SLC24A2: variants seen among roughly 807,000 people sequenced by gnomAD.
The protein encoded by SLC24A2 is sodium/potassium/calcium exchanger 2.
In SLC24A2, 36 loss-of-function variants were observed where a neutral mutation model predicts 62.0. The ratio of observed to expected loss-of-function variants is 0.58; its 90% CI spans 0.44 to 0.77. The LOEUF (loss-of-function observed/expected upper bound fraction) is 0.77. Ranked by LOEUF, SLC24A2 falls within the 30% of genes least tolerant of loss-of-function variation. The pLI is 0.00. For missense variants in SLC24A2, 846 were observed against 817.9 expected (o/e 1.03, Z -0.42); for synonymous variants, 358 against 294.0 (o/e 1.22, Z -2.23).
the SLC24A2 span, among the ~76,000 whole-genome samples, chr9:20,277,617 G>A: frequency 6.6e-6 from 1 of 152,130 alleles, no homozygotes; most frequent in Non-Finnish European, 1.5e-5. Flanking sequence ...GGAGAAATAG[G>A]AACACTTTTA....
At chr9:20,112,967 A>T in the SLC24A2 span, among the ~76,000 whole-genome samples, 1 of 152,090 alleles carries the variant, frequency 6.6e-6, no homozygotes, top group Non-Finnish European at 1.5e-5. Context: ...GAAAAAACAA[A>T]GACACAAGTG....
At chr9:19,859,196 G>A in the SLC24A2 span, among the ~76,000 whole-genome samples, 3 of 152,126 alleles carry the variant, frequency 2.0e-5, no homozygotes, top group African/African-American at 2.4e-5. Flanking sequence ...ATTCTTTGCA[G>A]AAACATGGAT....
the SLC24A2 span, among the ~76,000 whole-genome samples, chr9:20,141,340 G>C: frequency 6.6e-6 from 1 of 152,018 alleles, no homozygotes; most frequent in African/African-American, 2.4e-5. Flanking sequence ...ACTTGATCCT[G>C]CAGTTAGCCC....
the SLC24A2 span, among the ~76,000 whole-genome samples, chr9:20,010,071 G>C: frequency 2.6e-5 from 4 of 152,180 alleles, no homozygotes; most frequent in African/African-American, 9.6e-5. Flanking sequence ...CGCTCCACCT[G>C]ATTTCAGAGT....
At chr9:19,984,535 A>G in the SLC24A2 span, among the ~76,000 whole-genome samples, 2 of 152,098 alleles carry the variant, frequency 1.3e-5, no homozygotes, top group Non-Finnish European at 2.9e-5. Flanking sequence ...GTGAAACCCC[A>G]GCTCTACTAA....
At chr9:20,032,545 GT>G in the SLC24A2 span, among the ~76,000 whole-genome samples, 2 of 152,150 alleles carry the variant, frequency 1.3e-5, no homozygotes, top group African/African-American at 4.8e-5. Context: ...GGTTACCATT[GT>G]TTTTTGTTCT....
At chr9:20,201,035 T>C in the SLC24A2 span, among the ~76,000 whole-genome samples, 6 of 152,208 alleles carry the variant, frequency 3.9e-5, no homozygotes, top group Non-Finnish European at 7.3e-5. Flanking sequence ...AGAGTCCAGT[T>C]TGCATCTCCC....
rs766452988 is a variant in SLC24A2 at position 19,786,164 on chromosome 9, A to G, written c.703T>C (p.Trp235Arg). ...LFSREILNLT[W>R]WPLFRDVSFY... is the part of the protein sequence containing the mutation. ...GACACATCTCGAAAGAGCGGCCACC[A>G]TGTCAGGTTTAAGATTTCTCTAGAA... The change falls in exon 2 of 11, where the codon TGG becomes CGG. Residue 235 changes from tryptophan to arginine, a missense_variant. By Grantham distance (101) the Trp-to-Arg change is moderately radical (BLOSUM62 -3). Transcript: ENST00000341998. The surrounding 1 kb of genome is among the most constrained non-coding windows in gnomAD (Gnocchi z 5.0). 6.2e-7 allele frequency: 1 copy of G among 1,614,212 alleles called. No homozygotes were observed. Among genetic ancestry groups the G allele is most frequent in the Non-Finnish European group, 8.5e-7 (1 of 1,180,046 alleles).
the SLC24A2 span, among the ~76,000 whole-genome samples, chr9:19,888,651 G>T: frequency 1.3e-5 from 2 of 152,116 alleles, no homozygotes; most frequent in Non-Finnish European, 2.9e-5. Context: ...TTTTGGTACT[G>T]ATCTTGGTTT....
the SLC24A2 span, among the ~76,000 whole-genome samples, chr9:19,867,822 C>T: frequency 7.9e-5 from 12 of 152,096 alleles, 1 homozygote; most frequent in East Asian, 1.9e-4. Context: ...GCAGGTGAAT[C>T]GGTCGAACCC....
At chr9:19,970,801 A>G in the SLC24A2 span, among the ~76,000 whole-genome samples, 1 of 152,228 alleles carries the variant, frequency 6.6e-6, no homozygotes, top group Non-Finnish European at 1.5e-5. Context: ...ACAAACAGAA[A>G]AATGAAATCC....
At chr9:19,686,811 G>A (rs1468922518) in intron 2 of SLC24A2, among the ~76,000 whole-genome samples, 1 of 151,990 alleles carries the variant, frequency 6.6e-6, no homozygotes, top group East Asian at 1.9e-4. Flanking sequence ...TTGGCAGCAT[G>A]AGCATGAACT....
chr9:19,909,365 G>C, the SLC24A2 span, among the ~76,000 whole-genome samples: 1 of 152,108 alleles, frequency 6.6e-6, no homozygotes, highest in South Asian at 2.1e-4. Flanking sequence ...ATAGCATTAG[G>C]AGATATACCT....
At chr9:19,733,638 A>C (rs1485421221) in intron 2 of SLC24A2, among the ~76,000 whole-genome samples, 2 of 152,184 alleles carry the variant, frequency 1.3e-5, no homozygotes, top group African/African-American at 4.8e-5. Context: ...TTCTGGAGTG[A>C]TCCTGGTATC....
intron 2 of SLC24A2, among the ~76,000 whole-genome samples, chr9:19,676,799 T>C (rs1394957324): frequency 6.6e-6 from 1 of 152,216 alleles, no homozygotes; most frequent in Non-Finnish European, 1.5e-5. Flanking sequence ...GAAACTATTT[T>C]ATTATTTAAT....
chr9:20,263,234 A>G, the SLC24A2 span, among the ~76,000 whole-genome samples: 1 of 152,152 alleles, frequency 6.6e-6, no homozygotes, highest in African/African-American at 2.4e-5. Flanking sequence ...GGAGACAGAG[A>G]GAGAAGAATC....
chr9:19,523,262 G>A (rs1586885915), intron 9 of SLC24A2, among the ~76,000 whole-genome samples: 1 of 152,280 alleles, frequency 6.6e-6, no homozygotes, highest in East Asian at 1.9e-4. Flanking sequence ...ACTGGCTTGG[G>A]AGATGACAGT....
At chr9:19,531,393 T>C (rs1024551974) in intron 8 of SLC24A2, among the ~76,000 whole-genome samples, 2 of 152,204 alleles carry the variant, frequency 1.3e-5, no homozygotes, top group African/African-American at 4.8e-5. Context: ...TTTATGGTTA[T>C]AGTAATGGGG....
the SLC24A2 span, among the ~76,000 whole-genome samples, chr9:20,085,036 C>T: frequency 6.6e-6 from 1 of 152,154 alleles, no homozygotes; most frequent in East Asian, 1.9e-4. Flanking sequence ...CACTCTGTCA[C>T]CTAGCCTGGA....
Sources: allele counts gnomAD v4.1 joint callset (sites outside exome capture counted in the v4.1 genomes callset), GRCh38; gene constraint gnomAD v4.1.1; non-coding constraint Gnocchi (gnomAD v3.1); transcripts MANE v1.5; gene names NCBI Gene and HGNC (gene_info 2026-07-23, HGNC 2026-07-21).